CALD1: variants seen among roughly 807,000 people sequenced by gnomAD.
The protein encoded by CALD1 is caldesmon.
Under a neutral mutation model 99.9 loss-of-function variants are expected in CALD1, and 33 were observed. That is an observed-to-expected ratio of 0.33 (90% confidence interval 0.25 to 0.44). The LOEUF (loss-of-function observed/expected upper bound fraction) is 0.44, where lower values mean the gene tolerates loss of function less well. Ranked by LOEUF, CALD1 falls within the 20% of genes least tolerant of loss-of-function variation. The pLI, the probability that CALD1 is intolerant of heterozygous loss-of-function variation, is 1.00. For missense variants in CALD1, 861 were observed against 962.1 expected, an observed-to-expected ratio of 0.89 and a Z score of 1.39; for synonymous variants, 310 against 325.0, an observed-to-expected ratio of 0.95 and a Z score of 0.50.
intron 3 of CALD1, among the ~76,000 whole-genome samples, chr7:134,882,621 CA>C (rs1801657975): frequency 6.6e-6 from 1 of 152,188 alleles, no homozygotes; most frequent in South Asian, 2.1e-4. Flanking sequence ...AATGAAGGAT[CA>C]AGCTTGTGGT....
At chr7:134,942,443 A>G (rs1287460836) in intron 7 of CALD1, among the ~76,000 whole-genome samples, 1 of 152,228 alleles carries the variant, frequency 6.6e-6, no homozygotes, top group Non-Finnish European at 1.5e-5. Context: ...GGAGAACCTA[A>G]AGCTCACAGA....
chr7:134,950,288 C>G, intron 8 of CALD1, 86 bp from the exon 9 acceptor site: 2 of 1,374,060 alleles, frequency 1.5e-6, no homozygotes, highest in Admixed American at 3.8e-5. Context: ...TGCTGCCTCT[C>G]CAACTGTGCT....
At chr7:134,768,070 A>T (rs560902159) in intron 1 of CALD1, among the ~76,000 whole-genome samples, 1 of 152,302 alleles carries the variant, frequency 6.6e-6, no homozygotes, top group Admixed American at 6.5e-5. Flanking sequence ...GGAAGGGTGG[A>T]ACATGGAGAC....
chr7:134,752,785 G>T (rs183910833), intron 1 of CALD1, among the ~76,000 whole-genome samples: 1 of 152,062 alleles, frequency 6.6e-6, no homozygotes, highest in Non-Finnish European at 1.5e-5. Context: ...CAGATCACCG[G>T]AGGTAAGGAG....
At chr7:134,781,665 T>C (rs1797109879) in intron 1 of CALD1, among the ~76,000 whole-genome samples, 2 of 152,180 alleles carry the variant, frequency 1.3e-5, no homozygotes, top group African/African-American at 4.8e-5. Context: ...AAAAAGTCAC[T>C]AAGAGTTGAT....
At chr7:134,847,922 C>T (rs1405040065) in intron 2 of CALD1, among the ~76,000 whole-genome samples, 1 of 152,168 alleles carries the variant, frequency 6.6e-6, no homozygotes, top group African/African-American at 2.4e-5. Flanking sequence ...GAACCAAAAA[C>T]TATCAAGCCT....
At chr7:134,937,289 G>A (rs1384157979) in intron 6 of CALD1, among the ~76,000 whole-genome samples, 1 of 152,110 alleles carries the variant, frequency 6.6e-6, no homozygotes, top group African/African-American at 2.4e-5. Flanking sequence ...TTTCAGATAA[G>A]GCCCCAGTTC....
chr7:134,928,281 T>A (rs1320154047), intron 3 of CALD1, among the ~76,000 whole-genome samples: 1 of 151,840 alleles, frequency 6.6e-6, no homozygotes, highest in African/African-American at 2.4e-5. Flanking sequence ...ATACAAAAAT[T>A]AGCTGGGCAT....
At chr7:134,820,334 A>G (rs1025640802) in intron 1 of CALD1, among the ~76,000 whole-genome samples, 8 of 152,208 alleles carry the variant, frequency 5.3e-5, no homozygotes, top group African/African-American at 1.9e-4. Context: ...TCCATGGTAA[A>G]ATATTCAGTT....
chr7:134,939,000 T>C (rs2133040146), intron 6 of CALD1, among the ~76,000 whole-genome samples: 1 of 152,320 alleles, frequency 6.6e-6, no homozygotes, highest in South Asian at 2.1e-4. Context: ...GACCGTGAGC[T>C]CCTACTCGGA....
the CALD1 span, among the ~76,000 whole-genome samples, chr7:134,713,470 C>T: frequency 1.5e-3 from 227 of 152,174 alleles, no homozygotes; most frequent in African/African-American, 5.3e-3. Flanking sequence ...CTGGGGGCTC[C>T]GGGACATGCA....
chr7:134,772,900 T>C (rs781486881), intron 1 of CALD1, among the ~76,000 whole-genome samples: 5 of 152,232 alleles, frequency 3.3e-5, no homozygotes, highest in Non-Finnish European at 5.9e-5. Flanking sequence ...TTTACCATTA[T>C]GGGACTCTTT....
chr7:134,773,141 A>C (rs1796889458), intron 1 of CALD1, among the ~76,000 whole-genome samples: 1 of 151,808 alleles, frequency 6.6e-6, no homozygotes, highest in Non-Finnish European at 1.5e-5. Context: ...ATTTCCTTTG[A>C]TAATTTTCTT....
At chr7:134,759,100 T>C (rs912952755) in intron 1 of CALD1, among the ~76,000 whole-genome samples, 2 of 152,216 alleles carry the variant, frequency 1.3e-5, no homozygotes, top group African/African-American at 4.8e-5. Flanking sequence ...AGCCCCAAAA[T>C]GCATGACCAT....
chr7:134,818,564 G>A (rs1733451130), intron 1 of CALD1, among the ~76,000 whole-genome samples: 1 of 152,196 alleles, frequency 6.6e-6, no homozygotes, highest in Admixed American at 6.5e-5. Context: ...ATTTTGGAAT[G>A]TAGGGTCTAC....
At chr7:134,774,252 C>G (rs1796900197) in intron 1 of CALD1, among the ~76,000 whole-genome samples, 1 of 151,864 alleles carries the variant, frequency 6.6e-6, no homozygotes, top group African/African-American at 2.4e-5. Context: ...GACAATGTCT[C>G]TCAAATGTCT....
intron 1 of CALD1, among the ~76,000 whole-genome samples, chr7:134,784,265 A>G (rs144152770): frequency 5.3e-5 from 8 of 152,322 alleles, no homozygotes; most frequent in African/African-American, 1.9e-4. Flanking sequence ...GAAACATATT[A>G]AGCAGGAATA....
chr7:134,962,756 A>T (rs572262160), intron 13 of CALD1: 3 of 450,056 alleles, frequency 6.7e-6, no homozygotes, highest in Non-Finnish European at 1.3e-5. Context: ...GTTACACAGA[A>T]ATTAAAAAGC....
At chr7:134,953,096 T>G (rs1241308786) in intron 9 of CALD1, among the ~76,000 whole-genome samples, 1 of 152,222 alleles carries the variant, frequency 6.6e-6, no homozygotes, top group East Asian at 1.9e-4. Flanking sequence ...ACTCTGAAAT[T>G]TGAATTTTAT....
Sources: allele counts gnomAD v4.1 joint callset (sites outside exome capture counted in the v4.1 genomes callset), GRCh38; gene constraint gnomAD v4.1.1; transcripts MANE v1.5; gene names NCBI Gene and HGNC (gene_info 2026-07-23, HGNC 2026-07-21).